Variants in EYS observed in about 807,000 individuals in gnomAD.
EYS encodes EGF-like photoreceptor maintenance factor.
A neutral mutation model predicts 282.1 loss-of-function variants in EYS; 250 were observed. The observed-to-expected ratio is 0.89, with a 90% CI of 0.80 to 0.98. The LOEUF (loss-of-function observed/expected upper bound fraction) is 0.98, where lower values mean the gene tolerates loss of function less well. EYS is among the 50% of genes least tolerant of loss of function. The pLI, the probability that EYS is intolerant of heterozygous loss-of-function variation, is 0.00. For synonymous variants in EYS, 1,355 were observed against 1,282.9 expected (o/e 1.06, Z -1.20); for missense variants, 4,016 against 3,709.0 (o/e 1.08, Z -2.15).
intron 22 of EYS, among the ~76,000 whole-genome samples, chr6:64,676,880 C>T (rs1562128171): frequency 6.6e-6 from 1 of 152,076 alleles, no homozygotes; most frequent in Non-Finnish European, 1.5e-5. Context: ...CCGAAAGGTC[C>T]CACCTCTTAA....
intron 5 of EYS, among the ~76,000 whole-genome samples, chr6:65,429,844 A>ACTT (rs1562175803): frequency 6.6e-6 from 1 of 152,208 alleles, no homozygotes; most frequent in Non-Finnish European, 1.5e-5. Flanking sequence ...GAGAAGAGAT[A>ACTT]CTTTTAATTA....
At chr6:64,425,115 G>A (rs760863227) in intron 28 of EYS, among the ~76,000 whole-genome samples, 8 of 152,164 alleles carry the variant, frequency 5.3e-5, no homozygotes, top group African/African-American at 1.2e-4. Context: ...TGAATGCAGC[G>A]TGTGAGAGGG....
intron 22 of EYS, among the ~76,000 whole-genome samples, chr6:64,798,613 T>G (rs1053044769): frequency 1.3e-5 from 2 of 148,612 alleles, no homozygotes; most frequent in African/African-American, 4.9e-5. Context: ...TCTGGTTTTT[T>G]TTTTTTTTTT....
chr6:65,180,696 G>GA (rs1765355996), intron 12 of EYS, among the ~76,000 whole-genome samples: 1 of 151,958 alleles, frequency 6.6e-6, no homozygotes, highest in South Asian at 2.1e-4. Context: ...CACAGAATTG[G>GA]AAAAAACTGC....
intron 2 of EYS, among the ~76,000 whole-genome samples, chr6:65,541,618 C>G (rs532097644): frequency 1.8e-4 from 27 of 151,988 alleles, no homozygotes; most frequent in Admixed American, 1.8e-3. Context: ...CTTTATCTGC[C>G]TTTCCAAGAT....
At chr6:64,363,045 C>G (rs922094113) in intron 29 of EYS, among the ~76,000 whole-genome samples, 13 of 148,466 alleles carry the variant, frequency 8.8e-5, no homozygotes, top group Admixed American at 6.1e-4. Context: ...CTACTGCAGC[C>G]TTGGTCTCCC....
intron 31 of EYS, among the ~76,000 whole-genome samples, chr6:64,092,088 T>A (rs1772385720): frequency 1.3e-5 from 2 of 152,218 alleles, no homozygotes; most frequent in African/African-American, 4.8e-5. Flanking sequence ...AACTTATCAT[T>A]TTTTATGGCT....
chr6:65,397,295 T>C (rs1159051133), intron 7 of EYS, among the ~76,000 whole-genome samples: 1 of 152,028 alleles, frequency 6.6e-6, no homozygotes, highest in Non-Finnish European at 1.5e-5. Context: ...CGGTGAAGTC[T>C]GGGCTTTTAG....
At chr6:63,769,046 G>A (rs1373838994) in intron 40 of EYS, among the ~76,000 whole-genome samples, 1 of 151,982 alleles carries the variant, frequency 6.6e-6, no homozygotes, top group African/African-American at 2.4e-5. Flanking sequence ...CAAACAAATG[G>A]GAACGATAGG....
chr6:64,963,761 T>A (rs934930822), intron 14 of EYS, among the ~76,000 whole-genome samples: 2 of 152,212 alleles, frequency 1.3e-5, no homozygotes, highest in African/African-American at 4.8e-5. Context: ...AGTACATTTC[T>A]ATTCATTTTG....
At chr6:64,260,564 T>TG (rs1767553197) in intron 30 of EYS, among the ~76,000 whole-genome samples, 1 of 152,100 alleles carries the variant, frequency 6.6e-6, no homozygotes, top group African/African-American at 2.4e-5. Context: ...TGTAAACATC[T>TG]ATACTGATGA....
At chr6:64,449,524 C>T (rs1775243291) in intron 26 of EYS, among the ~76,000 whole-genome samples, 1 of 151,958 alleles carries the variant, frequency 6.6e-6, no homozygotes, top group Non-Finnish European at 1.5e-5. Flanking sequence ...AGATACTCCT[C>T]GAGAAGAGCA....
At chr6:65,663,491 A>G (rs564709674) in intron 1 of EYS, among the ~76,000 whole-genome samples, 1 of 152,312 alleles carries the variant, frequency 6.6e-6, no homozygotes, top group African/African-American at 2.4e-5. Context: ...AGGAATTATC[A>G]CTAGCAAATA....
chr6:64,410,080 C>T (rs1773838669), intron 28 of EYS, among the ~76,000 whole-genome samples: 1 of 151,968 alleles, frequency 6.6e-6, no homozygotes. Flanking sequence ...TTCATGGACT[C>T]TTAAGATTTA....
intron 31 of EYS, among the ~76,000 whole-genome samples, chr6:64,092,830 T>A (rs989453509): frequency 5.3e-5 from 8 of 151,888 alleles, no homozygotes; most frequent in Admixed American, 3.9e-4. Context: ...TCCTTGCCCA[T>A]GCCTATGTCC....
chr6:65,266,479 CATGA>C (rs560489027), intron 12 of EYS, among the ~76,000 whole-genome samples: 31 of 151,626 alleles, frequency 2.0e-4, no homozygotes, highest in East Asian at 3.9e-4. Flanking sequence ...TGCATGCATG[CATGA>C]ATGAATGAAT....
chr6:64,580,834 CAT>C (rs1273154423), intron 26 of EYS, among the ~76,000 whole-genome samples: 1 of 151,932 alleles, frequency 6.6e-6, no homozygotes, highest in Non-Finnish European at 1.5e-5. Flanking sequence ...AATAAACAGA[CAT>C]AAAAAGCTGA....
At chr6:64,110,360 T>C (rs2150265861) in intron 31 of EYS, among the ~76,000 whole-genome samples, 1 of 152,140 alleles carries the variant, frequency 6.6e-6, no homozygotes, top group Non-Finnish European at 1.5e-5. Flanking sequence ...TTAATGATAC[T>C]CAGATTTCTC....
At chr6:64,047,934 C>T (rs1305692424) in intron 33 of EYS, among the ~76,000 whole-genome samples, 2 of 152,116 alleles carry the variant, frequency 1.3e-5, no homozygotes, top group African/African-American at 4.8e-5. Context: ...GAGACAGACT[C>T]TTACTCTGTT....
Sources: gnomAD v4.1 joint callset for allele counts (sites outside exome capture counted in the v4.1 genomes callset) on GRCh38, gnomAD v4.1.1 for gene constraint, MANE v1.5 for transcripts, NCBI Gene and HGNC (gene_info 2026-07-23, HGNC 2026-07-21) for gene names.